Variants in ABL2 observed in about 807,000 individuals in gnomAD.
The protein encoded by ABL2 is ABL proto-oncogene 2, non-receptor tyrosine kinase, also known as tyrosine-protein kinase ABL2.
A neutral mutation model predicts 107.7 loss-of-function variants in ABL2; 49 were observed. That is an observed-to-expected ratio of 0.45 (90% CI 0.36 to 0.58). The LOEUF is 0.58. ABL2 is among the 20% of genes least tolerant of loss of function. The pLI is 0.00. For synonymous variants in ABL2, 549 were observed against 548.6 expected, an observed-to-expected ratio of 1.00 and a Z score of -0.01; for missense variants, 1,245 against 1,457.0, an observed-to-expected ratio of 0.85 and a Z score of 2.37.
chr1:179,189,086 T>C (rs1660852233), intron 1 of ABL2, among the ~76,000 whole-genome samples: 1 of 152,212 alleles, frequency 6.6e-6, no homozygotes, highest in South Asian at 2.1e-4. Flanking sequence ...GGAACACTAA[T>C]GGCCAAAACA....
chr1:179,214,519 CATATATATATATATAT>C (rs59744061), intron 1 of ABL2, among the ~76,000 whole-genome samples: 8 of 122,134 alleles, frequency 6.6e-5, no homozygotes, highest in East Asian at 2.4e-4. Flanking sequence ...TTTAAAATGA[CATATATATATATATAT>C]ATATATATAT....
At chr1:179,197,222 T>C (rs1398952516) in intron 1 of ABL2, among the ~76,000 whole-genome samples, 1 of 151,862 alleles carries the variant, frequency 6.6e-6, no homozygotes, top group Non-Finnish European at 1.5e-5. Context: ...AATCTATACC[T>C]AGTCACTTTC....
chr1:179,125,177 A>G (rs2102642503), intron 4 of ABL2, among the ~76,000 whole-genome samples: 1 of 152,370 alleles, frequency 6.6e-6, no homozygotes, highest in Admixed American at 6.5e-5. Context: ...AGTAATAGAA[A>G]CCATAGACAA....
chr1:179,114,785 A>C, intron 9 of ABL2, 93 bp downstream of exon 9: 1 of 1,318,326 alleles, frequency 7.6e-7, no homozygotes, highest in Non-Finnish European at 1.0e-6. Flanking sequence ...GATTCAATCT[A>C]ACAACACTGA....
Position 179,184,959 on chromosome 1 carries a change from G to C in ABL2, c.157+44282C>G, listed in dbSNP as rs116477961. Among the ~76,000 whole-genome samples the C allele has an allele frequency of 8.2e-3, 1,253 of 152,118 alleles. 14 individuals carry two copies. The highest frequency in any genetic ancestry group is 0.029 in the African/African-American group (1,197 of 41,480). On this transcript the variant is annotated intron_variant, in intron 1 of 11. Coordinates refer to ENST00000502732, the MANE Select transcript of ABL2 (RefSeq NM_007314.4). ...AACTGTATGGAATCACCACCACCTA[G>C]CTCTGTCGGAAAAAAAGAAAAACCT...
Position 179,109,081 on chromosome 1 carries a change from T to C in ABL2, c.2186A>G (p.Asn729Ser), listed in dbSNP as rs749208328. 3.0e-6 allele frequency: 4 copies of C among 1,325,672 alleles called. No individual in the cohort carries two copies. Among genetic ancestry groups the C allele is most frequent in the South Asian group, 1.2e-5 (1 of 86,502 alleles). The allele number at this position is 1,325,672 out of a possible 1,614,324, so 82.1% of individuals were successfully genotyped here. Residue 729 changes from asparagine to serine, a missense_variant, in exon 12 of 12, where the codon AAT (asparagine) becomes AGT (serine). Physicochemically the swap from Asn to Ser is conservative, Grantham distance 46. Around this residue, in one of 3 missense-constraint regions of ABL2, gnomAD observed 761 missense variants for 766.4 expected, o/e 0.99. Coordinates refer to ENST00000502732, the MANE Select transcript of ABL2 (RefSeq NM_007314.4). ...GGSFAQRNLC[N>S]DDGGGGGGSG... ...GCCCCCACCCCCACCACCGTCGTCA[T>C]TACAGAGGTTCCTCTGTGCAAAGCT...
intron 1 of ABL2, among the ~76,000 whole-genome samples, chr1:179,175,831 A>G (rs1284456003): frequency 6.7e-6 from 1 of 150,350 alleles, no homozygotes; most frequent in Non-Finnish European, 1.5e-5. Flanking sequence ...ACTGCTAGAC[A>G]AGTAGACACA....
chr1:179,162,875 TAAAAC>T (rs1659154354), intron 1 of ABL2, among the ~76,000 whole-genome samples: 1 of 152,180 alleles, frequency 6.6e-6, no homozygotes, highest in African/African-American at 2.4e-5. Flanking sequence ...AACCCACATT[TAAAAC>T]CTAGCCAACA....
chr1:179,210,809 G>A (rs1662232207), intron 1 of ABL2, among the ~76,000 whole-genome samples: 1 of 151,842 alleles, frequency 6.6e-6, no homozygotes, highest in South Asian at 2.1e-4. Flanking sequence ...AGCCGAGATT[G>A]CACCACTGCA....
At chr1:179,199,669 TCA>T (rs1483479914) in intron 1 of ABL2, among the ~76,000 whole-genome samples, 1 of 151,682 alleles carries the variant, frequency 6.6e-6, no homozygotes, top group African/African-American at 2.4e-5. Flanking sequence ...AATTAAACAA[TCA>T]CAGTTAATAC....
rs1396130178 is a variant in ABL2, at chr1:179,109,327, T to C, written c.1940A>G (p.Asp647Gly). ...EDAKETCFTR[D>G]RKGGFFSSFM... ...GGAGCTGAAGAAGCCCCCCTTCCTA[T>C]CCCTGGTGAAGCATGTCTCTTTGGC... is the stretch of plus-strand genomic sequence containing the variant. Residue 647 changes from aspartate (D) to glycine (G), a missense_variant, in exon 12 of 12, where the codon GAT becomes GGT. Around this residue, in one of 3 missense-constraint regions of ABL2, gnomAD observed 761 missense variants for 766.4 expected, o/e 0.99. Coordinates refer to ENST00000502732, the MANE Select transcript of ABL2 (RefSeq NM_007314.4). The C allele has an allele frequency of 6.2e-7, 1 of 1,613,962 alleles. No individual in the cohort carries two copies. The highest frequency in any genetic ancestry group is 2.2e-5 in the East Asian group (1 of 44,882).
chr1:179,194,892 C>A (rs1218605158), intron 1 of ABL2, among the ~76,000 whole-genome samples: 3 of 152,068 alleles, frequency 2.0e-5, no homozygotes, highest in Non-Finnish European at 4.4e-5. Context: ...CAAAAATGGG[C>A]AAAGGACTTA....
At position 179,102,158 on chromosome 1, in the gene ABL2, C is replaced by G. The variant is rs1653153500; in HGVS notation, c.*5560G>C. On this transcript the variant is annotated 3_prime_UTR_variant, in exon 12 of 12. Transcript: ENST00000502732. ...TCCCCAGTAGCTGGGACTACAGGCG[C>G]CCGCCACCACGCCCAGCTAAGTTTT... 6.0e-6 allele frequency: 1 copy of G among 167,142 alleles called. No homozygotes were observed. Among genetic ancestry groups the G allele is most frequent in the East Asian group, 1.2e-4 (1 of 8,562 alleles). 10.4% of individuals were successfully genotyped at this position (167,142 alleles called of 1,614,324 possible).
Position 179,110,412 on chromosome 1 carries a change from A to G in ABL2, c.1695T>C (p.Val565=), listed in dbSNP as rs371502310. 2.2e-5 allele frequency: 35 copies of G among 1,613,990 alleles called. No individual in the cohort carries two copies. In the African/African-American group the frequency reaches 4.3e-4, roughly 20 times the overall value. ...ELGRAASSSS[V]VPYLPRLPIL... is the part of the protein sequence containing the mutation. ...TAGGTAGCCGGGGCAGGTATGGAAC[A>G]ACAGATGACGAGGAGGCGGCTCTCC... Residue 565 remains valine, a synonymous_variant, in exon 11 of 12, where the codon GTT becomes GTC. Transcript: ENST00000502732.
chr1:179,212,220 G>T (rs1394975845), intron 1 of ABL2, among the ~76,000 whole-genome samples: 1 of 152,156 alleles, frequency 6.6e-6, no homozygotes, highest in African/African-American at 2.4e-5. Flanking sequence ...TCTCCACCTG[G>T]TTCTACCCTT....
intron 1 of ABL2, among the ~76,000 whole-genome samples, chr1:179,135,308 T>C (rs1460093860): frequency 7.1e-6 from 1 of 141,396 alleles, no homozygotes; most frequent in Middle Eastern, 3.7e-3. Flanking sequence ...CCGGCCGCCA[T>C]CACATCTGGG....
At position 179,110,413 on chromosome 1, in the gene ABL2, A is replaced by G. The variant is rs773916819; in HGVS notation, c.1694T>C (p.Val565Ala). 6.2e-7 allele frequency: 1 copy of G among 1,614,072 alleles called. No homozygotes were observed. Residue 565 changes from valine to alanine, a missense_variant, in exon 11 of 12, where the codon GTT becomes GCT. Physicochemically the swap from Val to Ala is moderately conservative, Grantham distance 64 (BLOSUM62 0). This residue lies in a region of ABL2 where 761 missense variants were observed against 766.4 expected (regional missense o/e 0.99). Coordinates refer to ENST00000502732, the MANE Select transcript of ABL2 (RefSeq NM_007314.4). ...ELGRAASSSSVVPYLPRLPIL... is the reference protein window; with the variant it reads ...ELGRAASSSSAVPYLPRLPIL... Reference sequence around the variant, plus strand: ...AGGTAGCCGGGGCAGGTATGGAACAACAGATGACGAGGAGGCGGCTCTCCC... The same window carrying G: ...AGGTAGCCGGGGCAGGTATGGAACAGCAGATGACGAGGAGGCGGCTCTCCC...
intron 8 of ABL2, among the ~76,000 whole-genome samples, chr1:179,115,965 C>T (rs1014328245): frequency 5.9e-5 from 9 of 152,204 alleles, no homozygotes; most frequent in Non-Finnish European, 5.9e-5. Flanking sequence ...ATCATATTAC[C>T]TCTCAGAGCA....
intron 1 of ABL2, among the ~76,000 whole-genome samples, chr1:179,164,219 A>G (rs903752570): frequency 6.6e-6 from 1 of 152,218 alleles, no homozygotes; most frequent in Non-Finnish European, 1.5e-5. Context: ...AGAGAAAAAA[A>G]GCAGAAAATG....
Sources: gnomAD v4.1 joint callset for allele counts (sites outside exome capture counted in the v4.1 genomes callset) on GRCh38, gnomAD v4.1.1 for gene constraint, gnomAD v4.1.1 regional missense constraint, MANE v1.5 for transcripts, NCBI Gene and HGNC (gene_info 2026-07-23, HGNC 2026-07-21) for gene names.